Variants in COMP observed in about 807,000 individuals in gnomAD.
COMP encodes the protein cartilage oligomeric matrix protein.
COMP carries 79 observed loss-of-function variants against 95.8 expected under a neutral mutation model. The ratio of observed to expected loss-of-function variants is 0.82; its 90% CI spans 0.69 to 0.99. COMP has a LOEUF of 0.99. Among genes scored for constraint, COMP ranks in the 50% least tolerant of loss-of-function variants. The pLI is 0.00. For missense variants in COMP, 906 were observed against 1,076.1 expected, an observed-to-expected ratio of 0.84 and a Z score of 2.21; for synonymous variants, 438 against 433.9, an observed-to-expected ratio of 1.01 and a Z score of -0.12.
chr19:18,790,118 CG>C lies in COMP; in HGVS notation c.218-5del. On this transcript the variant is annotated splice_polypyrimidine_tract_variant and splice_region_variant and intron_variant, in intron 3 of 18. Transcript: ENST00000222271. ...GTGCGTACTGACTGCTGCATCCCTG[CG>C]GGGGGGAGGGGGGAGAAGCGGCGGG... 23 of 1,478,012 alleles carry C rather than the reference CG, an allele frequency of 1.6e-5. No homozygotes were observed. Among genetic ancestry groups the C allele is most frequent in the Admixed American group, 6.4e-5 (3 of 46,922 alleles). The allele number at this position is 1,478,012 out of a possible 1,614,324, so 91.6% of individuals were successfully genotyped here.
At chr19:18,787,408 C>T (rs1256361830) in intron 10 of COMP, 83 bp downstream of exon 10, 10 of 1,589,046 alleles carry the variant, frequency 6.3e-6, no homozygotes, top group Non-Finnish European at 8.5e-6. Flanking sequence ...GCTTCCAAAA[C>T]CAGCCAAGCC....
intron 3 of COMP, 25 bp downstream of exon 3, chr19:18,790,537 C>G: frequency 6.2e-7 from 1 of 1,613,464 alleles, no homozygotes; most frequent in Non-Finnish European, 8.5e-7. Context: ...TCTCTTCTCT[C>G]TCCCGACCGC....
rs1410634508 is a variant in COMP, at chr19:18,789,053, C to T, written c.528+107G>A. 11 of 1,540,074 alleles carry T rather than the reference C, an allele frequency of 7.1e-6. No homozygotes were observed. In the East Asian group the frequency reaches 2.6e-4, roughly 36 times the overall value. On this transcript the variant is annotated intron_variant, in intron 5 of 18. Coordinates refer to ENST00000222271, the MANE Select transcript of COMP (RefSeq NM_000095.3). This position sits in a 1 kb window ranked among gnomAD's most constrained non-coding sequence, Gnocchi z 6.1. The stretch of plus-strand genomic sequence containing the variant: ...AGCCCTGGCGCAGCGGACCCCTCCT[C>T]TCCCCACCCCTCCCGCTGGAAGGAG...
chr19:18,790,119 GGGGGGGA>G lies in COMP; in HGVS notation c.218-12_218-6del. On this transcript the variant is annotated splice_polypyrimidine_tract_variant and splice_region_variant and intron_variant, in intron 3 of 18. Transcript: ENST00000222271. ...TGCGTACTGACTGCTGCATCCCTGC[GGGGGGGA>G]GGGGGGAGAAGCGGCGGGGCTGATC... 1 of 1,519,268 alleles carries G rather than the reference GGGGGGGA, an allele frequency of 6.6e-7. No individual in the cohort carries two copies. Among genetic ancestry groups the G allele is most frequent in the Non-Finnish European group, 8.8e-7 (1 of 1,134,474 alleles). The allele number at this position is 1,519,268 out of a possible 1,614,324, so 94.1% of individuals were successfully genotyped here. A position where few individuals can be genotyped will look rare whatever the true frequency, so the allele number is the denominator to read the frequency against.
Position 18,782,800 on chromosome 19 carries a change from T to A in COMP, c.*115A>T. 1 of 1,197,642 alleles carries A rather than the reference T, an allele frequency of 8.3e-7. No homozygotes were observed. Among genetic ancestry groups the A allele is most frequent in the Non-Finnish European group, 1.2e-6 (1 of 827,334 alleles). 74.2% of individuals were successfully genotyped at this position (1,197,642 alleles called of 1,614,324 possible). A position where few individuals can be genotyped will look rare whatever the true frequency, so the allele number is the denominator to read the frequency against. On this transcript the variant is annotated 3_prime_UTR_variant, in exon 19 of 19. Transcript: ENST00000222271. ...CCTGCACACACACTTTATTTTGTCCTCTCTGAGCCCTTCTCACTTCCCCCT... is the reference window on the plus strand; with the variant it reads ...CCTGCACACACACTTTATTTTGTCCACTCTGAGCCCTTCTCACTTCCCCCT...
In COMP at chr19:18,784,498, G is replaced by A; in HGVS notation, c.1915-135C>T. ...ATCCGGATGAGAGACCCACAAGGAA[G>A]CCTTCTTCAGGGGCCAAATGGCAGC... On this transcript the variant is annotated intron_variant, in intron 16 of 18. Coordinates refer to ENST00000222271, the MANE Select transcript of COMP (RefSeq NM_000095.3). This position sits in a 1 kb window ranked among gnomAD's most constrained non-coding sequence, Gnocchi z 4.9. 9.7e-7 allele frequency: 1 copy of A among 1,035,334 alleles called. No individual in the cohort carries two copies. The highest frequency in any genetic ancestry group is 1.5e-6 in the Non-Finnish European group (1 of 686,282). 64.1% of individuals were successfully genotyped at this position (1,035,334 alleles called of 1,614,324 possible). A position where few individuals can be genotyped will look rare whatever the true frequency, so the allele number is the denominator to read the frequency against.
At position 18,788,196 on chromosome 19, in the gene COMP, C is replaced by A. The variant is rs1458469664; in HGVS notation, c.975+16G>T. The A allele has an allele frequency of 6.2e-7, 1 of 1,607,176 alleles. No homozygotes were observed. The highest frequency in any genetic ancestry group is 1.1e-5 in the South Asian group (1 of 90,874). ...GGATTACAGGAGTGAACCACCGTGC[C>A]GAGCCGTAGATCTACCTTTTCATTG... is the stretch of plus-strand genomic sequence containing the variant. On this transcript the variant is annotated intron_variant, in intron 9 of 18. Transcript: ENST00000222271. This position sits in a 1 kb window ranked among gnomAD's most constrained non-coding sequence, Gnocchi z 4.7.
rs1383417232 is a variant in COMP at position 18,786,723 on chromosome 19, C to T, written c.1136-73G>A. On this transcript the variant is annotated intron_variant, in intron 10 of 18. Transcript: ENST00000222271. Reference sequence around the variant, plus strand: ...AATGACTTCATTAGGATGAGGCCAGCCTGAGGCTGGCCTGGAACAGAGTCC... The same window carrying T: ...AATGACTTCATTAGGATGAGGCCAGTCTGAGGCTGGCCTGGAACAGAGTCC... 8.7e-6 allele frequency: 9 copies of T among 1,039,102 alleles called. No individual in the cohort carries two copies. The African/African-American group carries it at 1.5e-4, about 18-fold the overall frequency. 64.4% of individuals were successfully genotyped at this position (1,039,102 alleles called of 1,614,324 possible). A position where few individuals can be genotyped will look rare whatever the true frequency, so the allele number is the denominator to read the frequency against.
At chr19:18,791,076 G>T (rs576327392) in intron 1 of COMP, 115 bp downstream of exon 1, 1 of 1,498,294 alleles carries the variant, frequency 6.7e-7, no homozygotes, top group Non-Finnish European at 9.0e-7. Context: ...TCTGCGCCCG[G>T]CACGTCCCCT....
chr19:18,790,558 T>C lies in COMP; in HGVS notation c.217+4A>G, dbSNP rs779140776. On this transcript the variant is annotated splice_donor_region_variant and intron_variant, in intron 3 of 18. Coordinates refer to ENST00000222271, the MANE Select transcript of COMP (RefSeq NM_000095.3). ...CTCTCTCCCGACCGCCCCGCCGCGC[T>C]CACCGCACGCGTCACACTCCATCAC... The C allele has an allele frequency of 1.1e-5, 17 of 1,613,594 alleles. 1 individual carries two copies. In the South Asian group the frequency reaches 1.8e-4, roughly 17 times the overall value.
At position 18,784,182 on chromosome 19, in the gene COMP, A is replaced by G. The variant is rs1243209192; in HGVS notation, c.2087+9T>C. ...CAGCCCAGCCCACCACAGAGGGTGGAGTCCCCACCTGATGTAGCCCACTTG... is the reference window on the plus strand; with the variant it reads ...CAGCCCAGCCCACCACAGAGGGTGGGGTCCCCACCTGATGTAGCCCACTTG... On this transcript the variant is annotated intron_variant, in intron 17 of 18. Coordinates refer to ENST00000222271, the MANE Select transcript of COMP (RefSeq NM_000095.3). This position sits in a 1 kb window ranked among gnomAD's most constrained non-coding sequence, Gnocchi z 4.9. 2 of 1,612,924 alleles carry G rather than the reference A, an allele frequency of 1.2e-6. No homozygotes were observed. The highest frequency in any genetic ancestry group is 2.7e-5 in the African/African-American group (2 of 74,916).
Position 18,789,385 on chromosome 19 carries a change from C to G in COMP, c.391-88G>C, listed in dbSNP as rs2055193935. On this transcript the variant is annotated intron_variant, in intron 4 of 18. Coordinates refer to ENST00000222271, the MANE Select transcript of COMP (RefSeq NM_000095.3). This position sits in a 1 kb window ranked among gnomAD's most constrained non-coding sequence, Gnocchi z 6.1. ...CGTAGTGTCTCGGATGTGGAAAGTT[C>G]AAGGGCCATATGCCAGTGCTTGGAG... The G allele has an allele frequency of 1.5e-6, 2 of 1,324,460 alleles. No individual in the cohort carries two copies. Among genetic ancestry groups the G allele is most frequent in the South Asian group, 3.3e-5 (2 of 59,814 alleles). The allele number at this position is 1,324,460 out of a possible 1,614,324, so 82.0% of individuals were successfully genotyped here.
Position 18,789,583 on chromosome 19 carries a change from G to A in COMP, c.391-286C>T, listed in dbSNP as rs2055195675. On this transcript the variant is annotated intron_variant, in intron 4 of 18. Transcript: ENST00000222271. This position sits in a 1 kb window ranked among gnomAD's most constrained non-coding sequence, Gnocchi z 6.1. ...GGGGTCGTCGGGGCGTGCGTGCCCG[G>A]CGGTGGCGGGGGGTCTGGGCGTGCG... Among the ~76,000 whole-genome samples, 1 of 151,996 alleles carries A rather than the reference G, an allele frequency of 6.6e-6. No homozygotes were observed. Among genetic ancestry groups the A allele is most frequent in the African/African-American group, 2.4e-5 (1 of 41,370 alleles).
In COMP at chr19:18,788,393, G is replaced by A. The variant is rs779091377; in HGVS notation, c.867+17C>T. 1.1e-5 allele frequency: 9 copies of A among 841,172 alleles called. No homozygotes were observed. Among genetic ancestry groups the A allele is most frequent in the Admixed American group, 2.3e-5 (1 of 43,924 alleles). The allele number at this position is 841,172 out of a possible 1,614,324, so 52.1% of individuals were successfully genotyped here. On this transcript the variant is annotated intron_variant, in intron 8 of 18. Transcript: ENST00000222271. This position sits in a 1 kb window ranked among gnomAD's most constrained non-coding sequence, Gnocchi z 4.7. The stretch of plus-strand genomic sequence containing the variant: ...CCTCCCTCCTGCCCAAGCCCGCCCC[G>A]CTCCGCCCCCACCCACCTTACGGCA...
intron 3 of COMP, 60 bp from the exon 4 acceptor site, chr19:18,790,174 C>T: frequency 7.6e-7 from 1 of 1,311,800 alleles, no homozygotes; most frequent in African/African-American, 1.5e-5. Context: ...GGGGGCAGAG[C>T]CTATCATGGC....
At position 18,788,758 on chromosome 19, in the gene COMP, G is replaced by T; in HGVS notation, c.604-8C>A. 1 of 1,584,792 alleles carries T rather than the reference G, an allele frequency of 6.3e-7. No individual in the cohort carries two copies. The highest frequency in any genetic ancestry group is 8.6e-7 in the Non-Finnish European group (1 of 1,165,406). On this transcript the variant is annotated splice_polypyrimidine_tract_variant and splice_region_variant and intron_variant, in intron 6 of 18. Coordinates refer to ENST00000222271, the MANE Select transcript of COMP (RefSeq NM_000095.3). The surrounding 1 kb of genome is among the most constrained non-coding windows in gnomAD (Gnocchi z 4.7). ...GCCGCACTGGAAGGAGCCCTGCGCC[G>T]GAGCCGCCGGAGGTCAGCGCAGGCC... is the stretch of plus-strand genomic sequence containing the variant.
rs1217427557 is a variant in COMP at position 18,788,878 on chromosome 19, T to A, written c.564A>T (p.Gln188His). The A allele has an allele frequency of 6.2e-7, 1 of 1,613,888 alleles. No homozygotes were observed. The highest frequency in any genetic ancestry group is 1.1e-5 in the South Asian group (1 of 91,062). ...ACACGGAGTTGGGGACGCAGTTATG[T>A]TGCCCGGTCTCACACTCGTTGATGT... ...CTDINECETG[Q>H]HNCVPNSVCI... is the part of the protein sequence containing the mutation. Residue 188 changes from glutamine (Q) to histidine (H), a missense_variant, in exon 6 of 19, where the codon CAA becomes CAT. Coordinates refer to ENST00000222271, the MANE Select transcript of COMP (RefSeq NM_000095.3). The surrounding 1 kb of genome is among the most constrained non-coding windows in gnomAD (Gnocchi z 4.7).
chr19:18,786,302 C>G lies in COMP; in HGVS notation c.1255-11G>C, dbSNP rs1270588903. 1 of 1,613,896 alleles carries G rather than the reference C, an allele frequency of 6.2e-7. No homozygotes were observed. The highest frequency in any genetic ancestry group is 8.5e-7 in the Non-Finnish European group (1 of 1,180,040). ...GTGGTCCACATCCGCCTGCGGAGGG[C>G]AGCATGCGGGGGTCCATAATCAGAC... On this transcript the variant is annotated splice_polypyrimidine_tract_variant and intron_variant, in intron 11 of 18. Transcript: ENST00000222271.
In COMP at chr19:18,789,220, C is replaced by A. The variant is rs202241721; in HGVS notation, c.468G>T (p.Pro156=). Residue 156 remains proline, a synonymous_variant, in exon 5 of 19, where the codon CCG becomes CCT. Coordinates refer to ENST00000222271, the MANE Select transcript of COMP (RefSeq NM_000095.3). This position sits in a 1 kb window ranked among gnomAD's most constrained non-coding sequence, Gnocchi z 6.1. ...CCTGGTGGGTGGGGCCGCTGTACCC[C>A]GGCGGGCAAGCCTCGCAGCGGAACC... ...SPGFRCEACP[P]GYSGPTHQGV... 2.2e-4 allele frequency: 345 copies of A among 1,537,218 alleles called. 5 individuals are homozygous for A. In the East Asian group the frequency reaches 4.9e-3, roughly 22 times the overall value.
Sources: gnomAD v4.1 joint callset for allele counts (sites outside exome capture counted in the v4.1 genomes callset) on GRCh38, gnomAD v4.1.1 for gene constraint, Gnocchi (gnomAD v3.1) non-coding constraint, MANE v1.5 for transcripts, NCBI Gene and HGNC (gene_info 2026-07-23, HGNC 2026-07-21) for gene names.